GULP1: variants seen among roughly 807,000 people sequenced by gnomAD.
GULP1 encodes GULP PTB domain containing engulfment adaptor 1, also known as PTB domain-containing engulfment adapter protein 1.
A neutral mutation model predicts 40.9 loss-of-function variants in GULP1; 19 were observed. The ratio of observed to expected loss-of-function variants is 0.46; its 90% confidence interval spans 0.32 to 0.68. GULP1 has a LOEUF of 0.68. GULP1 is among the 30% of genes least tolerant of loss of function. The pLI is 0.03. For synonymous variants in GULP1, 119 were observed against 117.6 expected (o/e 1.01, Z -0.08); for missense variants, 312 against 362.2 (o/e 0.86, Z 1.12).
chr2:188,469,616 G>C (rs2060421697), intron 2 of GULP1, among the ~76,000 whole-genome samples: 1 of 152,082 alleles, frequency 6.6e-6, no homozygotes, highest in African/African-American at 2.4e-5. Context: ...TGGTGAAAGT[G>C]TGCATCCTTG....
intron 5 of GULP1, among the ~76,000 whole-genome samples, chr2:188,523,761 T>G (rs1278874839): frequency 6.6e-6 from 1 of 152,172 alleles, no homozygotes; most frequent in Non-Finnish European, 1.5e-5. Flanking sequence ...GAATCCACTC[T>G]GTGTTTAAAT....
At chr2:188,465,882 A>G (rs1274481553) in intron 2 of GULP1, among the ~76,000 whole-genome samples, 3 of 151,962 alleles carry the variant, frequency 2.0e-5, no homozygotes, top group African/African-American at 7.3e-5. Context: ...CTGTTTTTCC[A>G]GTGCCTCTTT....
intron 9 of GULP1, chr2:188,582,211 G>T: frequency 5.6e-6 from 2 of 356,996 alleles, no homozygotes; most frequent in Non-Finnish European, 1.1e-5. Context: ...TTTAATTTTA[G>T]AAAAGTTACT....
chr2:188,529,532 A>T (rs955327236), intron 6 of GULP1, among the ~76,000 whole-genome samples: 2 of 152,190 alleles, frequency 1.3e-5, no homozygotes, highest in African/African-American at 4.8e-5. Flanking sequence ...GCTGTGTGTT[A>T]TTAAAATATT....
At chr2:188,315,171 G>A (rs1057195788) in intron 1 of GULP1, among the ~76,000 whole-genome samples, 1 of 152,134 alleles carries the variant, frequency 6.6e-6, no homozygotes. Context: ...AAATTGTAAC[G>A]AAGGAAAAGA....
intron 2 of GULP1, among the ~76,000 whole-genome samples, chr2:188,477,323 A>G (rs979045218): frequency 6.6e-6 from 1 of 152,142 alleles, no homozygotes; most frequent in African/African-American, 2.4e-5. Context: ...AAGTGTTTAT[A>G]TACACACCTC....
intron 1 of GULP1, among the ~76,000 whole-genome samples, chr2:188,312,835 C>G (rs998849426): frequency 6.6e-6 from 1 of 151,572 alleles, no homozygotes; most frequent in Non-Finnish European, 1.5e-5. Context: ...TAATAATCGC[C>G]ATTTTATTGG....
At chr2:188,513,682 A>G (rs1450452442) in intron 4 of GULP1, among the ~76,000 whole-genome samples, 3 of 152,134 alleles carry the variant, frequency 2.0e-5, no homozygotes, top group African/African-American at 7.2e-5. Flanking sequence ...ATAAACAGAA[A>G]AACCTTGTTG....
At chr2:188,461,449 T>G (rs969890494) in intron 2 of GULP1, among the ~76,000 whole-genome samples, 1 of 151,286 alleles carries the variant, frequency 6.6e-6, no homozygotes, top group Non-Finnish European at 1.5e-5. Context: ...GCCTCCCGAG[T>G]AGCTGAGATT....
intron 4 of GULP1, among the ~76,000 whole-genome samples, chr2:188,520,370 T>C (rs181085884): frequency 1.4e-3 from 217 of 151,966 alleles, no homozygotes; most frequent in Middle Eastern, 0.01. Flanking sequence ...ACTCTGTCTT[T>C]ACTAAAAATA....
intron 4 of GULP1, among the ~76,000 whole-genome samples, chr2:188,490,062 A>G (rs571323346): frequency 1.2e-4 from 19 of 152,146 alleles, no homozygotes; most frequent in African/African-American, 4.6e-4. Context: ...GGAACTAAAA[A>G]CTTTTATTAG....
At chr2:188,307,703 A>C (rs531117812) in intron 1 of GULP1, among the ~76,000 whole-genome samples, 1 of 152,284 alleles carries the variant, frequency 6.6e-6, no homozygotes, top group African/African-American at 2.4e-5. Context: ...GTTTAATTAT[A>C]ATTGAGATCA....
intron 2 of GULP1, among the ~76,000 whole-genome samples, chr2:188,395,801 C>T (rs1020047794): frequency 1.3e-5 from 2 of 152,122 alleles, no homozygotes; most frequent in African/African-American, 4.8e-5. Context: ...TCAAGGGATC[C>T]AGTGTTGTGA....
chr2:188,336,528 TTAAA>T (rs1385566013), intron 1 of GULP1, among the ~76,000 whole-genome samples: 1 of 152,042 alleles, frequency 6.6e-6, no homozygotes, highest in Non-Finnish European at 1.5e-5. Flanking sequence ...AATAAACATA[TTAAA>T]TAAAATCATG....
At chr2:188,386,312 G>A (rs1479022986) in intron 2 of GULP1, among the ~76,000 whole-genome samples, 2 of 152,098 alleles carry the variant, frequency 1.3e-5, no homozygotes, top group African/African-American at 2.4e-5. Context: ...TGAGAACAGC[G>A]TAGGAAAGAC....
chr2:188,419,057 T>C (rs552145456), intron 2 of GULP1, among the ~76,000 whole-genome samples: 2 of 152,128 alleles, frequency 1.3e-5, no homozygotes, highest in South Asian at 2.1e-4. Context: ...CAGAATTTTC[T>C]TTTTTTTAGA....
At chr2:188,522,989 A>G in intron 5 of GULP1, 162 bp downstream of exon 5, 2 of 512,046 alleles carry the variant, frequency 3.9e-6, no homozygotes, top group South Asian at 2.8e-5. Context: ...AACATTTTTA[A>G]TAACAAACAT....
intron 9 of GULP1, among the ~76,000 whole-genome samples, chr2:188,575,534 T>A (rs1192229033): frequency 6.6e-6 from 1 of 152,126 alleles, no homozygotes; most frequent in Non-Finnish European, 1.5e-5. Context: ...AGAATTTTGT[T>A]TAGAGAAAGT....
chr2:188,399,700 A>AAAC (rs1170098779), intron 2 of GULP1, among the ~76,000 whole-genome samples: 9 of 149,106 alleles, frequency 6.0e-5, no homozygotes, highest in East Asian at 3.9e-4. Flanking sequence ...GAAAAAAAAA[A>AAAC]AAAAAAAAAA....
Sources: allele counts gnomAD v4.1 joint callset (sites outside exome capture counted in the v4.1 genomes callset), GRCh38; gene constraint gnomAD v4.1.1; transcripts MANE v1.5; gene names NCBI Gene and HGNC (gene_info 2026-07-23, HGNC 2026-07-21).